NDUFS4: variants seen among roughly 807,000 people sequenced by gnomAD.
NDUFS4 encodes NADH:ubiquinone oxidoreductase subunit S4.
In NDUFS4, 28 loss-of-function variants were observed where a neutral mutation model predicts 24.3. The ratio of observed to expected loss-of-function variants is 1.15; its 90% confidence interval spans 0.85 to 1.58. The LOEUF (loss-of-function observed/expected upper bound fraction) is 1.58. NDUFS4 is among the 40% of genes most tolerant of loss of function. The pLI, the probability that NDUFS4 is intolerant of heterozygous loss-of-function variation, is 0.00. For missense variants in NDUFS4, 223 were observed against 207.9 expected, an observed-to-expected ratio of 1.07 and a Z score of -0.45; for synonymous variants, 93 against 69.7, an observed-to-expected ratio of 1.34 and a Z score of -1.67.
intron 2 of NDUFS4, among the ~76,000 whole-genome samples, chr5:53,634,179 G>T (rs1346827044): frequency 6.6e-6 from 1 of 152,150 alleles, no homozygotes; most frequent in African/African-American, 2.4e-5. Flanking sequence ...ATGCTAAATT[G>T]ACAAGGAATC....
At chr5:53,672,553 A>G (rs532948850) in intron 4 of NDUFS4, among the ~76,000 whole-genome samples, 4 of 152,280 alleles carry the variant, frequency 2.6e-5, no homozygotes, top group Non-Finnish European at 5.9e-5. Context: ...CTGATAATCT[A>G]GAAGGGGAAG....
intron 2 of NDUFS4, among the ~76,000 whole-genome samples, chr5:53,625,173 C>A (rs901630939): frequency 6.6e-6 from 1 of 152,074 alleles, no homozygotes; most frequent in Admixed American, 6.5e-5. Flanking sequence ...GTTTTGAACT[C>A]CTGAGCTCAT....
chr5:53,659,890 C>A (rs754237036), intron 4 of NDUFS4, among the ~76,000 whole-genome samples: 1 of 152,012 alleles, frequency 6.6e-6, no homozygotes, highest in Non-Finnish European at 1.5e-5. Context: ...TTTCCTCATA[C>A]GTGCAATGAG....
At chr5:53,645,600 T>A (rs1751838410) in intron 2 of NDUFS4, among the ~76,000 whole-genome samples, 1 of 152,218 alleles carries the variant, frequency 6.6e-6, no homozygotes, top group African/African-American at 2.4e-5. Flanking sequence ...ATTATGCCAC[T>A]TTTTGGGATT....
chr5:53,634,156 G>GT (rs1751484696), intron 2 of NDUFS4, among the ~76,000 whole-genome samples: 1 of 152,182 alleles, frequency 6.6e-6, no homozygotes, highest in South Asian at 2.1e-4. Flanking sequence ...CTGTTGCATA[G>GT]TTTTTTATTC....
At position 53,610,391 on chromosome 5, in the gene NDUFS4, C is replaced by T. The variant is rs138539257; in HGVS notation, c.177+6861C>T. 8.2e-3 allele frequency among the ~76,000 whole-genome samples: 1,249 copies of T among 152,100 alleles called. 19 individuals are homozygous for T. The highest frequency in any genetic ancestry group is 0.029 in the African/African-American group (1,187 of 41,482). On this transcript the variant is annotated intron_variant, in intron 2 of 4. Transcript: ENST00000296684. ...ATTACAATAGTAACATCAAAGATCACGGATCACAGAGCACCATAACACATA... is the reference window on the plus strand; with the variant it reads ...ATTACAATAGTAACATCAAAGATCATGGATCACAGAGCACCATAACACATA...
At chr5:53,675,931 C>A (rs749330238) in intron 4 of NDUFS4, among the ~76,000 whole-genome samples, 3 of 152,080 alleles carry the variant, frequency 2.0e-5, no homozygotes, top group Non-Finnish European at 2.9e-5. Context: ...ACCATTTCTT[C>A]GATGATGAAG....
intron 3 of NDUFS4, among the ~76,000 whole-genome samples, chr5:53,657,844 G>C (rs1752208283): frequency 6.6e-6 from 1 of 151,130 alleles, no homozygotes; most frequent in Non-Finnish European, 1.5e-5. Context: ...AGAATTGCTT[G>C]AACCTGGGAG....
At chr5:53,663,446 T>C (rs893826457) in intron 4 of NDUFS4, among the ~76,000 whole-genome samples, 2 of 152,296 alleles carry the variant, frequency 1.3e-5, no homozygotes, top group East Asian at 3.9e-4. Context: ...AAGTCTCCCA[T>C]TGTTATTGCG....
intron 4 of NDUFS4, among the ~76,000 whole-genome samples, chr5:53,676,605 T>A (rs559499647): frequency 1.3e-5 from 2 of 152,220 alleles, no homozygotes; most frequent in Admixed American, 6.5e-5. Flanking sequence ...ACAGTGAAAT[T>A]ACCAAAAAGC....
At position 53,669,017 on chromosome 5, in the gene NDUFS4, A is replaced by G. The variant is rs926846212; in HGVS notation, c.424+10393A>G. On this transcript the variant is annotated intron_variant, in intron 4 of 4. Transcript: ENST00000296684. ...GTGAACAAGTTTTATTTGAACAGTC[A>G]TGTTTATTCATTTATATATAGTCTA... Among the ~76,000 whole-genome samples, 9 of 152,304 alleles carry G rather than the reference A, an allele frequency of 5.9e-5. 1 individual carries two copies. In the South Asian group the frequency reaches 1.7e-3, roughly 28 times the overall value.
chr5:53,637,549 G>T (rs976376388), intron 2 of NDUFS4, among the ~76,000 whole-genome samples: 2 of 152,054 alleles, frequency 1.3e-5, no homozygotes, highest in East Asian at 1.9e-4. Context: ...TGCAGGGGGA[G>T]AATTTTTTCC....
rs761312017 is a variant in NDUFS4 at position 53,683,235 on chromosome 5, A to ATATC, written c.*16_*19dup. On this transcript the variant is annotated 3_prime_UTR_variant, in exon 5 of 5. Transcript: ENST00000296684. ...TCCACAAAATAGGTTGGCACTGACT[A>ATATC]TATCTCTGCTTGACTGTGAATAAAG... The ATATC allele has an allele frequency of 7.0e-5, 107 of 1,532,764 alleles. 1 individual carries two copies. The highest frequency in any genetic ancestry group is 1.1e-4 in the African/African-American group (8 of 73,060). 94.9% of individuals were successfully genotyped at this position (1,532,764 alleles called of 1,614,324 possible). A position where few individuals can be genotyped will look rare whatever the true frequency, so the allele number is the denominator to read the frequency against.
rs144507485 is a variant in NDUFS4 at position 53,625,204 on chromosome 5, T to A, written c.178-21029T>A. ...CTCATGCAATCTGCCTGCCTCAGTC[T>A]CCCAAAGTGCTGGGATTACAGTTTT... On this transcript the variant is annotated intron_variant, in intron 2 of 4. Transcript: ENST00000296684. Among the ~76,000 whole-genome samples, 353 of 152,248 alleles carry A rather than the reference T, an allele frequency of 2.3e-3. 2 individuals carry two copies. The highest frequency in any genetic ancestry group is 8.1e-3 in the African/African-American group (338 of 41,552).
intron 2 of NDUFS4, among the ~76,000 whole-genome samples, chr5:53,612,701 C>T (rs901859654): frequency 2.0e-5 from 3 of 152,000 alleles, no homozygotes; most frequent in Admixed American, 6.6e-5. Flanking sequence ...ATAAATAAAT[C>T]GCTGTTTGAT....
At chr5:53,571,289 A>G (rs1444907760) in intron 1 of NDUFS4, among the ~76,000 whole-genome samples, 1 of 152,214 alleles carries the variant, frequency 6.6e-6, no homozygotes, top group Non-Finnish European at 1.5e-5. Context: ...ATGCAGTCAT[A>G]TAATATATGG....
chr5:53,663,160 G>A (rs987952142), intron 4 of NDUFS4, among the ~76,000 whole-genome samples: 1 of 152,102 alleles, frequency 6.6e-6, no homozygotes, highest in African/African-American at 2.4e-5. Flanking sequence ...CTGAGTTCTA[G>A]TTTGATTGCA....
intron 1 of NDUFS4, among the ~76,000 whole-genome samples, chr5:53,569,368 A>G (rs1294544979): frequency 6.6e-6 from 1 of 152,134 alleles, no homozygotes; most frequent in Non-Finnish European, 1.5e-5. Flanking sequence ...GTGCTTTGTA[A>G]TATTTACTTT....
intron 2 of NDUFS4, among the ~76,000 whole-genome samples, chr5:53,636,621 T>C (rs1751559126): frequency 6.6e-6 from 1 of 152,184 alleles, no homozygotes; most frequent in Non-Finnish European, 1.5e-5. Context: ...TTTAATCTTA[T>C]TAAACTTAGT....
Sources: allele counts gnomAD v4.1 joint callset (sites outside exome capture counted in the v4.1 genomes callset), GRCh38; gene constraint gnomAD v4.1.1; transcripts MANE v1.5; gene names NCBI Gene and HGNC (gene_info 2026-07-23, HGNC 2026-07-21).